The following MAP2K2 variants were observed in gnomAD, a reference collection of about 807,000 sequenced individuals.
The protein encoded by MAP2K2 is dual specificity mitogen-activated protein kinase kinase 2.
A neutral mutation model predicts 43.7 loss-of-function variants in MAP2K2; 24 were observed. That is an observed-to-expected ratio of 0.55 (90% CI 0.40 to 0.77). The LOEUF (loss-of-function observed/expected upper bound fraction) is 0.77. MAP2K2 is among the 30% of genes least tolerant of loss of function. The pLI is 0.00. For synonymous variants in MAP2K2, 244 were observed against 239.7 expected (o/e 1.02, Z -0.17); for missense variants, 470 against 566.8 (o/e 0.83, Z 1.73).
At chr19:4,092,298 G>T (rs1411499311) in intron 10 of MAP2K2, among the ~76,000 whole-genome samples, 2 of 152,150 alleles carry the variant, frequency 1.3e-5, no homozygotes, top group East Asian at 1.9e-4. Context: ...TAAGAAGCTG[G>T]TTCAAAAATG....
At chr19:4,102,652 G>A (rs1279100545) in intron 3 of MAP2K2, 199 bp from the exon 4 acceptor site, 17 of 961,308 alleles carry the variant, frequency 1.8e-5, no homozygotes, top group East Asian at 2.7e-5. Context: ...CCACAAGGTG[G>A]GGAAGGAACA....
chr19:4,095,123 G>A, intron 9 of MAP2K2: 1 of 455,984 alleles, frequency 2.2e-6, no homozygotes, highest in Non-Finnish European at 4.0e-6. Context: ...TCCTGCTGCA[G>A]ACAGTGAGCT....
In MAP2K2 at chr19:4,101,868, T is replaced by C. The variant is rs184944475; in HGVS notation, c.528+508A>G. Among the ~76,000 whole-genome samples, 437 of 152,244 alleles carry C rather than the reference T, an allele frequency of 2.9e-3. 1 individual carries two copies. Among genetic ancestry groups the C allele is most frequent in the African/African-American group, 9.9e-3 (410 of 41,562 alleles). The stretch of plus-strand genomic sequence containing the variant: ...GGCAGGCGGGACTCGGCCCCTGCTA[T>C]GGACAAGGTGCAAGCTCCAAGAAGC... On this transcript the variant is annotated intron_variant, in intron 4 of 10. Coordinates refer to ENST00000262948, the MANE Select transcript of MAP2K2 (RefSeq NM_030662.4). This position sits in a 1 kb window ranked among gnomAD's most constrained non-coding sequence, Gnocchi z 6.3.
chr19:4,090,345 T>C lies in MAP2K2; in HGVS notation c.*253A>G. 1.7e-6 allele frequency: 1 copy of C among 588,970 alleles called. No individual in the cohort carries two copies. The highest frequency in any genetic ancestry group is 3.0e-6 in the Non-Finnish European group (1 of 329,132). 36.5% of individuals were successfully genotyped at this position (588,970 alleles called of 1,614,324 possible). A position where few individuals can be genotyped will look rare whatever the true frequency, so the allele number is the denominator to read the frequency against. On this transcript the variant is annotated 3_prime_UTR_variant, in exon 11 of 11. Transcript: ENST00000262948. ...GTTTGCTTTTTCTCTCCCTGTTTTG[T>C]TTTGTAACCTAAGGAAGCAGAGCCT...
rs767332073 is a variant in MAP2K2 at position 4,099,246 on chromosome 19, G to A, written c.874C>T (p.His292Tyr). Residue 292 changes from histidine to tyrosine, a missense_variant, in exon 7 of 11, where the codon CAC (histidine) becomes TAC (tyrosine). Physicochemically the swap from His to Tyr is moderately conservative, Grantham distance 83. Coordinates refer to ENST00000262948, the MANE Select transcript of MAP2K2 (RefSeq NM_030662.4). ...GGCCTCGGCCGAGGCGAGATGCTGT[G>A]AGGCTCTCCTTCTTCCCCGTCGACC... Reference protein sequence around the residue: ...PVVDGEEGEPHSISPRPRPPG... With the variant: ...PVVDGEEGEPYSISPRPRPPG... 7 of 1,606,166 alleles carry A rather than the reference G, an allele frequency of 4.4e-6. No homozygotes were observed. In the African/African-American group the frequency reaches 8.0e-5, roughly 18 times the overall value.
intron 3 of MAP2K2, among the ~76,000 whole-genome samples, chr19:4,107,028 T>C (rs1002320298): frequency 2.0e-5 from 3 of 152,170 alleles, no homozygotes; most frequent in African/African-American, 4.8e-5. Flanking sequence ...TATCCAGTAA[T>C]AGGTTCAGAC....
chr19:4,123,948 G>A lies in MAP2K2; in HGVS notation c.-73C>T, dbSNP rs2041338047. The A allele has an allele frequency of 3.8e-6, 3 of 786,240 alleles. No homozygotes were observed. Among genetic ancestry groups the A allele is most frequent in the African/African-American group, 1.9e-5 (1 of 53,610 alleles). The allele number at this position is 786,240 out of a possible 1,614,324, so 48.7% of individuals were successfully genotyped here. A position where few individuals can be genotyped will look rare whatever the true frequency, so the allele number is the denominator to read the frequency against. The stretch of plus-strand genomic sequence containing the variant: ...AGGGGGCGGGCCGGGAGCGGTCGGC[G>A]CCTACGCGAGCCCGGGGCTGCGGCC... On this transcript the variant is annotated 5_prime_UTR_variant, in exon 1 of 11. Transcript: ENST00000262948.
intron 1 of MAP2K2, among the ~76,000 whole-genome samples, chr19:4,119,612 C>T (rs1213555537): frequency 6.6e-6 from 1 of 152,232 alleles, no homozygotes; most frequent in Non-Finnish European, 1.5e-5. Context: ...ATGAATGTTT[C>T]ACACTGTTTC....
At position 4,101,021 on chromosome 19, in the gene MAP2K2, C is replaced by A. The variant is rs1166526430; in HGVS notation, c.703G>T (p.Ala235Ser). 1 of 1,557,702 alleles carries A rather than the reference C, an allele frequency of 6.4e-7. No individual in the cohort carries two copies. The highest frequency in any genetic ancestry group is 8.7e-7 in the Non-Finnish European group (1 of 1,151,468). Reference sequence around the variant, plus strand: ...GGGGAGAGCCAGCGGGGACTCACAGCCATGTAGGAGCGCGTGCCCACGAAG... The same window carrying A: ...GGGGAGAGCCAGCGGGGACTCACAGACATGTAGGAGCGCGTGCCCACGAAG... ...NSFVGTRSYM[A>S]PERLQGTHYS... The change falls in exon 6 of 11, where the codon GCT becomes TCT. Residue 235 changes from alanine to serine, a missense_variant and splice_region_variant. Coordinates refer to ENST00000262948, the MANE Select transcript of MAP2K2 (RefSeq NM_030662.4). The surrounding 1 kb of genome is among the most constrained non-coding windows in gnomAD (Gnocchi z 6.3).
intron 2 of MAP2K2, among the ~76,000 whole-genome samples, chr19:4,116,400 T>C (rs886214419): frequency 6.6e-6 from 1 of 152,016 alleles, no homozygotes; most frequent in Non-Finnish European, 1.5e-5. Context: ...TGTGGTGGCA[T>C]GCACCTGTAA....
intron 3 of MAP2K2, chr19:4,103,108 G>C (rs372444839): frequency 1.0e-5 from 10 of 1,002,234 alleles, no homozygotes; most frequent in African/African-American, 3.5e-5. Flanking sequence ...GGGGTGCATG[G>C]ACTGCAGGAG....
chr19:4,118,987 C>T (rs919311745), intron 1 of MAP2K2, among the ~76,000 whole-genome samples: 2 of 152,152 alleles, frequency 1.3e-5, no homozygotes, highest in African/African-American at 2.4e-5. Context: ...GTAAACCATG[C>T]GCACAAATTA....
chr19:4,102,675 C>T (rs533856549), intron 3 of MAP2K2: 29 of 1,049,388 alleles, frequency 2.8e-5, no homozygotes, highest in Middle Eastern at 3.2e-4. Context: ...GCCCAGGGTT[C>T]CCCCGCCTCC....
intron 1 of MAP2K2, among the ~76,000 whole-genome samples, chr19:4,123,576 AGG>A: frequency 6.2e-5 from 2 of 32,078 alleles, no homozygotes; most frequent in African/African-American, 1.2e-4. Flanking sequence ...TCCTCCCCCG[AGG>A]GCCCCCTGCC....
chr19:4,118,087 G>A (rs1599307887), intron 1 of MAP2K2, among the ~76,000 whole-genome samples: 2 of 152,032 alleles, frequency 1.3e-5, no homozygotes, highest in African/African-American at 4.8e-5. Context: ...ACAGGCTCCC[G>A]CCACCATGCC....
intron 10 of MAP2K2, among the ~76,000 whole-genome samples, chr19:4,091,019 G>A (rs1361176387): frequency 6.6e-6 from 1 of 152,212 alleles, no homozygotes; most frequent in African/African-American, 2.4e-5. Flanking sequence ...TCCTCCGGCC[G>A]CTGTGGACAC....
chr19:4,099,611 A>G lies in MAP2K2; in HGVS notation c.706-197T>C. 5 of 601,058 alleles carry G rather than the reference A, an allele frequency of 8.3e-6. No homozygotes were observed. In the South Asian group the frequency reaches 1.0e-4, roughly 12 times the overall value. The allele number at this position is 601,058 out of a possible 1,614,324, so 37.2% of individuals were successfully genotyped here. ...TGCGGCACTTGCTGAAGAGGCTTCC[A>G]GCCCGAGGCCTGGAGCTGGTGTTGA... On this transcript the variant is annotated intron_variant, in intron 6 of 10. Transcript: ENST00000262948.
chr19:4,107,348 C>G (rs1213043735), intron 3 of MAP2K2, among the ~76,000 whole-genome samples: 5 of 151,832 alleles, frequency 3.3e-5, no homozygotes, highest in Non-Finnish European at 7.4e-5. Context: ...CACAGCGAAA[C>G]CCCGTCTCTA....
In MAP2K2 at chr19:4,102,834, GCGC is replaced by G. The variant is rs2041033947; in HGVS notation, c.451-384_451-382del. On this transcript the variant is annotated intron_variant, in intron 3 of 10. Coordinates refer to ENST00000262948, the MANE Select transcript of MAP2K2 (RefSeq NM_030662.4). ...CAGCCTACGTGGTGGGCTTGTCTGT[GCGC>G]CACGGGAGGCGGCCAGGCTGGAGAC... The G allele has an allele frequency of 1.4e-5, 17 of 1,204,410 alleles. No homozygotes were observed. The South Asian group carries it at 2.6e-4, about 18-fold the overall frequency. 74.6% of individuals were successfully genotyped at this position (1,204,410 alleles called of 1,614,324 possible).
Sources: allele counts gnomAD v4.1 joint callset (sites outside exome capture counted in the v4.1 genomes callset), GRCh38; gene constraint gnomAD v4.1.1; non-coding constraint Gnocchi (gnomAD v3.1); transcripts MANE v1.5; gene names NCBI Gene and HGNC (gene_info 2026-07-23, HGNC 2026-07-21).